The following KIAA1549L variants were observed in gnomAD, a reference collection of about 807,000 sequenced individuals.
KIAA1549L encodes KIAA1549 like.
A neutral mutation model predicts 160.7 loss-of-function variants in KIAA1549L; 88 were observed. The observed-to-expected ratio is 0.55, with a 90% confidence interval of 0.46 to 0.65. KIAA1549L has a LOEUF of 0.65. Among genes scored for constraint, KIAA1549L ranks in the 30% least tolerant of loss-of-function variants. The probability of loss-of-function intolerance (pLI) is 0.00; values close to 1 mark genes in which losing one functional copy is unlikely to be tolerated. For synonymous variants in KIAA1549L, 950 were observed against 976.7 expected, an observed-to-expected ratio of 0.97 and a Z score of 0.51; for missense variants, 2,258 against 2,437.5, an observed-to-expected ratio of 0.93 and a Z score of 1.55.
rs138189586 is a variant in KIAA1549L, at chr11:33,617,511, T to C, written c.5280-1022T>C. Among the ~76,000 whole-genome samples, 1,079 of 152,318 alleles carry C rather than the reference T, an allele frequency of 7.1e-3. 6 individuals carry two copies. Among genetic ancestry groups the C allele is most frequent in the African/African-American group, 0.019 (782 of 41,564 alleles). ...GAAATGCTCTGTGCCCAGATCAATG[T>C]GTGACTGGCTCCACTTAGGACTCAG... On this transcript the variant is annotated intron_variant, in intron 15 of 20. Transcript: ENST00000658780.
At chr11:33,634,480 GT>G (rs1298340652) in intron 16 of KIAA1549L, among the ~76,000 whole-genome samples, 1 of 152,188 alleles carries the variant, frequency 6.6e-6, no homozygotes, top group Non-Finnish European at 1.5e-5. Flanking sequence ...TTAAGGTAAT[GT>G]TTTTGCAAAC....
chr11:33,519,695 T>C (rs2133122404), intron 1 of KIAA1549L, among the ~76,000 whole-genome samples: 1 of 152,330 alleles, frequency 6.6e-6, no homozygotes, highest in South Asian at 2.1e-4. Flanking sequence ...AACTGTTCTT[T>C]CTTTAGAGGG....
intron 6 of KIAA1549L, among the ~76,000 whole-genome samples, chr11:33,559,479 C>T (rs1260773276): frequency 6.6e-6 from 1 of 152,156 alleles, no homozygotes; most frequent in African/African-American, 2.4e-5. Context: ...CCTCGGTTTC[C>T]TCATCTGTGA....
chr11:33,410,421 C>T (rs548306011), intron 1 of KIAA1549L, among the ~76,000 whole-genome samples: 1 of 152,232 alleles, frequency 6.6e-6, no homozygotes, highest in Non-Finnish European at 1.5e-5. Flanking sequence ...GCCTAGAAAA[C>T]CACTAAAAAA....
chr11:33,559,285 A>G lies in KIAA1549L; in HGVS notation c.3856-464A>G, dbSNP rs552072455. The stretch of plus-strand genomic sequence containing the variant: ...ATCTGAGCAGTTGAGCCCTCCTTCA[A>G]TGTAACATTCCAATGCTCTATTTTA... On this transcript the variant is annotated intron_variant, in intron 6 of 20. Coordinates refer to ENST00000658780, the MANE Select transcript of KIAA1549L (RefSeq NM_012194.3). 2.2e-3 allele frequency among the ~76,000 whole-genome samples: 337 copies of G among 152,264 alleles called. 1 individual carries two copies. Among genetic ancestry groups the G allele is most frequent in the Non-Finnish European group, 3.8e-3 (256 of 68,022 alleles).
chr11:33,592,745 G>A (rs537154478), intron 12 of KIAA1549L, among the ~76,000 whole-genome samples: 1 of 152,202 alleles, frequency 6.6e-6, no homozygotes, highest in African/African-American at 2.4e-5. Flanking sequence ...CCAAAGCACA[G>A]TTAAGGGATA....
chr11:33,651,084 G>A (rs1037504085), intron 17 of KIAA1549L, among the ~76,000 whole-genome samples: 4 of 152,254 alleles, frequency 2.6e-5, no homozygotes, highest in South Asian at 4.1e-4. Context: ...GAGTGTAAAT[G>A]TACCTCGCTT....
At chr11:33,407,466 A>C (rs1850690343) in intron 1 of KIAA1549L, among the ~76,000 whole-genome samples, 1 of 152,018 alleles carries the variant, frequency 6.6e-6, no homozygotes, top group African/African-American at 2.4e-5. Context: ...CTCAGTCTGC[A>C]AGCCTGCGAG....
chr11:33,576,530 T>A (rs1855452891), intron 10 of KIAA1549L, among the ~76,000 whole-genome samples: 1 of 152,198 alleles, frequency 6.6e-6, no homozygotes, highest in Non-Finnish European at 1.5e-5. Context: ...TGTTCTCAGC[T>A]CTTTCTCCCT....
chr11:33,543,770 C>T lies in KIAA1549L; in HGVS notation c.2207C>T (p.Thr736Ile). The change falls in exon 2 of 21, where the codon ACT becomes ATT. Residue 736 changes from threonine to isoleucine, a missense_variant. Physicochemically the swap from Thr to Ile is moderately conservative, Grantham distance 89 (BLOSUM62 -1). This residue lies in a region of KIAA1549L where 287 missense variants were observed against 292.3 expected (regional missense o/e 0.98). Transcript: ENST00000658780. ...GHTISTTSWE[T>I]HLAPTAPPNG... is the part of the protein sequence containing the mutation. ...ACAATTAGCACCACAAGTTGGGAAA[C>T]TCATTTAGCTCCAACAGCTCCTCCC... is the stretch of plus-strand genomic sequence containing the variant. 6.2e-7 allele frequency: 1 copy of T among 1,614,038 alleles called. No homozygotes were observed. Among genetic ancestry groups the T allele is most frequent in the Non-Finnish European group, 8.5e-7 (1 of 1,179,900 alleles).
chr11:33,395,044 A>G (rs1459784042), intron 1 of KIAA1549L, among the ~76,000 whole-genome samples: 1 of 152,258 alleles, frequency 6.6e-6, no homozygotes, highest in Non-Finnish European at 1.5e-5. Flanking sequence ...GCGAACAGCC[A>G]GCTGTTACCT....
intron 12 of KIAA1549L, among the ~76,000 whole-genome samples, chr11:33,592,084 G>C (rs935053962): frequency 6.6e-6 from 1 of 152,194 alleles, no homozygotes; most frequent in African/African-American, 2.4e-5. Flanking sequence ...GAAGATATAA[G>C]GGCATCCAGT....
intron 17 of KIAA1549L, among the ~76,000 whole-genome samples, chr11:33,647,143 G>T (rs989920905): frequency 6.6e-6 from 1 of 152,120 alleles, no homozygotes; most frequent in Non-Finnish European, 1.5e-5. Flanking sequence ...CCAGCACTTT[G>T]GGAGGCCAAG....
At chr11:33,643,264 G>C (rs1484609179) in intron 16 of KIAA1549L, among the ~76,000 whole-genome samples, 2 of 151,948 alleles carry the variant, frequency 1.3e-5, no homozygotes, top group Non-Finnish European at 2.9e-5. Context: ...ATGTATGTGT[G>C]TATATATATA....
At chr11:33,660,650 T>A (rs1014543411) in intron 19 of KIAA1549L, among the ~76,000 whole-genome samples, 2 of 151,986 alleles carry the variant, frequency 1.3e-5, no homozygotes, top group African/African-American at 2.4e-5. Flanking sequence ...TTAGCCATCA[T>A]GGCCAGGTCC....
chr11:33,645,418 G>A (rs1273122515), intron 16 of KIAA1549L, among the ~76,000 whole-genome samples: 1 of 152,098 alleles, frequency 6.6e-6, no homozygotes, highest in Non-Finnish European at 1.5e-5. Flanking sequence ...CATTTCTCGA[G>A]TCTGTTACAC....
Position 33,528,468 on chromosome 11 carries a change from G to A in KIAA1549L, c.239-13334G>A, listed in dbSNP as rs370980698. Among the ~76,000 whole-genome samples, 195 of 152,266 alleles carry A rather than the reference G, an allele frequency of 1.3e-3. 1 individual carries two copies. The South Asian group carries it at 0.026, about 20-fold the overall frequency. ...AACTGCCTTTTGATCCAGCAATCCC[G>A]CTACTGGGTATCTACTCAGAGGAAA... On this transcript the variant is annotated intron_variant, in intron 1 of 20. Coordinates refer to ENST00000658780, the MANE Select transcript of KIAA1549L (RefSeq NM_012194.3).
intron 1 of KIAA1549L, among the ~76,000 whole-genome samples, chr11:33,452,298 A>G (rs1791893249): frequency 6.6e-6 from 1 of 152,274 alleles, no homozygotes; most frequent in Non-Finnish European, 1.5e-5. Flanking sequence ...TTGGTGCAAA[A>G]GTAATTGCCA....
chr11:33,628,034 C>T lies in KIAA1549L; in HGVS notation c.5409+9372C>T, dbSNP rs1057213482. Among the ~76,000 whole-genome samples the T allele has an allele frequency of 7.2e-5, 11 of 152,200 alleles. No homozygotes were observed. The East Asian group carries it at 1.2e-3, about 16-fold the overall frequency. On this transcript the variant is annotated intron_variant, in intron 16 of 20. Transcript: ENST00000658780. ...GAACATCTTTATTTCTGCCTTCATT[C>T]GTTATGTACCCAGTAGTCATTCAGG...
Sources: gnomAD v4.1 joint callset for allele counts (sites outside exome capture counted in the v4.1 genomes callset) on GRCh38, gnomAD v4.1.1 for gene constraint, gnomAD v4.1.1 regional missense constraint, MANE v1.5 for transcripts, NCBI Gene and HGNC (gene_info 2026-07-23, HGNC 2026-07-21) for gene names.